The following GSTA4 variants were observed in gnomAD, a reference collection of about 807,000 sequenced individuals.
GSTA4 encodes glutathione S-transferase alpha 4, also known as glutathione S-transferase A4.
A neutral mutation model predicts 24.4 loss-of-function variants in GSTA4; 15 were observed. The ratio of observed to expected loss-of-function variants is 0.61; its 90% CI spans 0.41 to 0.95. The LOEUF (loss-of-function observed/expected upper bound fraction) is 0.95, where lower values mean the gene tolerates loss of function less well. Among genes scored for constraint, GSTA4 ranks in the 40% least tolerant of loss-of-function variants. GSTA4 has a pLI of 0.00. For synonymous variants in GSTA4, 92 were observed against 94.2 expected (o/e 0.98, Z 0.13); for missense variants, 244 against 262.1 (o/e 0.93, Z 0.48).
chr6:52,978,420 A>G lies in GSTA4; in HGVS notation c.*50T>C, dbSNP rs749102530. On this transcript the variant is annotated 3_prime_UTR_variant, in exon 7 of 7. Coordinates refer to ENST00000370963, the MANE Select transcript of GSTA4 (RefSeq NM_001512.4). ...GGGATCCATTAAGACATGACTGTAG[A>G]CAATACCATCTCTAGGAACACACTG... 6.3e-7 allele frequency: 1 copy of G among 1,588,222 alleles called. No homozygotes were observed. The highest frequency in any genetic ancestry group is 1.7e-5 in the Admixed American group (1 of 59,214).
intron 2 of GSTA4, chr6:52,993,862 G>A (rs1763710225): frequency 4.6e-5 from 20 of 438,306 alleles, no homozygotes; most frequent in South Asian, 3.8e-4. Flanking sequence ...ATTAATAAGA[G>A]CTCAGAGTAA....
intron 6 of GSTA4, among the ~76,000 whole-genome samples, 159 bp from the exon 7 acceptor site, chr6:52,978,751 C>T (rs1763391980): frequency 6.6e-6 from 1 of 151,818 alleles, no homozygotes; most frequent in Non-Finnish European, 1.5e-5. Context: ...CAGGGGTGTC[C>T]AATCTTTTGG....
chr6:52,979,720 C>T (rs1165647265), intron 6 of GSTA4, among the ~76,000 whole-genome samples: 1 of 152,330 alleles, frequency 6.6e-6, no homozygotes, highest in African/African-American at 2.4e-5. Flanking sequence ...GTGCAAGGCA[C>T]AGCCTTAATT....
At chr6:52,987,660 G>A in intron 2 of GSTA4, 2 of 382,348 alleles carry the variant, frequency 5.2e-6, no homozygotes, top group South Asian at 7.5e-5. Flanking sequence ...GGAATGGGAT[G>A]TGAAAAGAGG....
intron 5 of GSTA4, among the ~76,000 whole-genome samples, chr6:52,983,965 G>T (rs1763501812): frequency 6.6e-6 from 1 of 152,116 alleles, no homozygotes; most frequent in Non-Finnish European, 1.5e-5. Flanking sequence ...TAAAGAATTT[G>T]AAGCTCAGAA....
rs759159448 is a variant in GSTA4 at position 52,985,480 on chromosome 6, G to C, written c.243C>G (p.Leu81=). 1.2e-6 allele frequency: 2 copies of C among 1,614,160 alleles called. No individual in the cohort carries two copies. The highest frequency in any genetic ancestry group is 2.2e-5 in the East Asian group (1 of 44,886). The change falls in exon 4 of 7, where the codon CTC becomes CTG. Residue 81 remains leucine (L), a synonymous_variant. Transcript: ENST00000370963. ...TTCTCTCCTTGAGGTTCTTGCCAAA[G>C]AGATTGTGCTTGTCTGCTATGTAGT... ...ILHYIADKHN[L]FGKNLKERTL...
At chr6:52,987,429 C>CGT (rs1763584436) in intron 2 of GSTA4, 21 bp from the exon 3 acceptor site, 2 of 1,250,408 alleles carry the variant, frequency 1.6e-6, no homozygotes, top group East Asian at 4.6e-5. Context: ...AAAAAAGAAA[C>CGT]GTATATATAC....
intron 6 of GSTA4, 127 bp downstream of exon 6, chr6:52,982,447 C>A: frequency 6.7e-6 from 4 of 593,658 alleles, no homozygotes; most frequent in Non-Finnish European, 1.1e-5. Flanking sequence ...TTTCATTTGC[C>A]AAACTAGAAT....
At position 52,994,046 on chromosome 6, in the gene GSTA4, G is replaced by A. The variant is rs539218306; in HGVS notation, c.87+111C>T. The A allele has an allele frequency of 3.4e-4, 264 of 784,806 alleles. 2 individuals are homozygous for A. In the Admixed American group the frequency reaches 4.6e-3, roughly 14 times the overall value. The allele number at this position is 784,806 out of a possible 1,614,324, so 48.6% of individuals were successfully genotyped here. The stretch of plus-strand genomic sequence containing the variant: ...GTATCTGACTCAGTGAAGCGTGCCT[G>A]TGATTTTGGTGGACGAGAACTAGAA... On this transcript the variant is annotated intron_variant, in intron 2 of 6. Transcript: ENST00000370963.
chr6:52,980,484 A>T (rs1244423670), intron 6 of GSTA4, among the ~76,000 whole-genome samples: 1 of 152,048 alleles, frequency 6.6e-6, no homozygotes. Context: ...TTTTATTTTT[A>T]GTAGAGATGG....
At chr6:52,991,852 G>A (rs948106550) in intron 2 of GSTA4, among the ~76,000 whole-genome samples, 5 of 148,674 alleles carry the variant, frequency 3.4e-5, no homozygotes, top group African/African-American at 1.3e-4. Flanking sequence ...CCGCCTCCCA[G>A]TTCAAGCGAT....
At chr6:52,983,486 A>G (rs1035373169) in intron 5 of GSTA4, among the ~76,000 whole-genome samples, 1 of 152,238 alleles carries the variant, frequency 6.6e-6, no homozygotes, top group Non-Finnish European at 1.5e-5. Context: ...AGAGTGGCAT[A>G]GTACAATGCA....
intron 2 of GSTA4, chr6:52,987,678 A>C (rs1262765936): frequency 2.9e-6 from 1 of 346,380 alleles, no homozygotes; most frequent in Non-Finnish European, 5.3e-6. Flanking sequence ...AGGTTGGTTA[A>C]TGGTACATAA....
At chr6:52,981,105 GA>G (rs893175839) in intron 6 of GSTA4, among the ~76,000 whole-genome samples, 28 of 148,996 alleles carry the variant, frequency 1.9e-4, no homozygotes, top group Non-Finnish European at 3.4e-4. Flanking sequence ...AAAAGTAAAT[GA>G]AAAAAAAATT....
intron 3 of GSTA4, among the ~76,000 whole-genome samples, chr6:52,986,438 T>C (rs1249315897): frequency 6.6e-6 from 1 of 152,190 alleles, no homozygotes; most frequent in African/African-American, 2.4e-5. Context: ...GACTCATGTA[T>C]ACTCTTTGGC....
At position 52,989,245 on chromosome 6, in the gene GSTA4, T is replaced by C. The variant is rs544355025; in HGVS notation, c.88-1837A>G. 3.3e-5 allele frequency among the ~76,000 whole-genome samples: 5 copies of C among 152,330 alleles called. No individual in the cohort carries two copies. In the South Asian group the frequency reaches 8.3e-4, roughly 25 times the overall value. On this transcript the variant is annotated intron_variant, in intron 2 of 6. Transcript: ENST00000370963. ...GTTTAGCATATTATCAAGAAATAAC[T>C]ATAAAAATGGGCAACCAGCAGCCCT...
At chr6:52,983,452 A>T (rs1173886406) in intron 5 of GSTA4, among the ~76,000 whole-genome samples, 1 of 152,222 alleles carries the variant, frequency 6.6e-6, no homozygotes, top group Non-Finnish European at 1.5e-5. Context: ...ACACAATTCC[A>T]GGTCAAATAT....
Position 52,994,261 on chromosome 6 carries a change from T to C in GSTA4, c.-18A>G, listed in dbSNP as rs1763721356. 6.4e-7 allele frequency: 1 copy of C among 1,557,872 alleles called. No homozygotes were observed. The highest frequency in any genetic ancestry group is 8.9e-7 in the Non-Finnish European group (1 of 1,129,490). ...GCTGCCATGATAGCTTTTCAGGCTT[T>C]CTGAAATACAAATGCAGCAGCTCGT... On this transcript the variant is annotated splice_region_variant and 5_prime_UTR_variant, in exon 2 of 7. Transcript: ENST00000370963.
Position 52,982,598 on chromosome 6 carries a change from G to T in GSTA4, c.522C>A (p.Ile174=). ...ILALEEKIPN[I]LSAFPFLQEY... ...CCTGGAGGAAAGGAAATGCAGACAG[G>T]ATATTAGGAATTTTCTCTTCTAGAG... Residue 174 remains isoleucine (I), a synonymous_variant, in exon 6 of 7, where the codon ATC becomes ATA. Coordinates refer to ENST00000370963, the MANE Select transcript of GSTA4 (RefSeq NM_001512.4). 6.2e-7 allele frequency: 1 copy of T among 1,610,340 alleles called. No individual in the cohort carries two copies.
Sources: allele counts gnomAD v4.1 joint callset (sites outside exome capture counted in the v4.1 genomes callset), GRCh38; gene constraint gnomAD v4.1.1; transcripts MANE v1.5; gene names NCBI Gene and HGNC (gene_info 2026-07-23, HGNC 2026-07-21).